The following PRKX variants were observed in gnomAD, a reference collection of about 807,000 sequenced individuals.
PRKX encodes cAMP-dependent protein kinase catalytic subunit PRKX.
In PRKX, 12 loss-of-function variants were observed where a neutral mutation model predicts 22.0. The observed-to-expected ratio is 0.54, with a 90% CI of 0.35 to 0.88. PRKX has a LOEUF of 0.88. Among genes scored for constraint, PRKX ranks in the 40% least tolerant of loss-of-function variants. The pLI is 0.01. For missense variants in PRKX, 217 were observed against 308.0 expected, an observed-to-expected ratio of 0.70 and a Z score of 2.21; for synonymous variants, 134 against 137.7, an observed-to-expected ratio of 0.97 and a Z score of 0.19.
At position 3,652,344 on chromosome X, in the gene PRKX, G is replaced by C. The variant is rs1392249828; in HGVS notation, c.599+2805C>G. ...GAGGCAGGAGAATGGCGTGAACTCG[G>C]GAGGCAGAGCTTGCAGTGAGCTGAG... On this transcript the variant is annotated intron_variant, in intron 3 of 8. Transcript: ENST00000262848. 1.8e-5 allele frequency among the ~76,000 whole-genome samples: 2 copies of C among 109,422 alleles called. 1 individual carries two copies. Among genetic ancestry groups the C allele is most frequent in the Non-Finnish European group, 3.8e-5 (2 of 52,468 alleles).
chrX:3,699,416 A>C (rs1928512383), intron 1 of PRKX, among the ~76,000 whole-genome samples: 1 of 110,436 alleles, frequency 9.1e-6, no homozygotes, highest in Non-Finnish European at 1.9e-5. Flanking sequence ...GCAGTGGCAC[A>C]ATCTCAGCTC....
intron 1 of PRKX, among the ~76,000 whole-genome samples, chrX:3,712,031 C>G (rs1284626133): frequency 8.9e-6 from 1 of 111,772 alleles, no homozygotes. Context: ...GAAGCTAAGT[C>G]CCCTCTTCCT....
Position 3,608,028 on chromosome X carries a change from C to T in PRKX, c.*941G>A, listed in dbSNP as rs1334617248. ...TCCTGAGTAGCTGAGACTACACTCA[C>T]GTGCCACCATGCCCGGCTAATTTTT... is the stretch of plus-strand genomic sequence containing the variant. On this transcript the variant is annotated 3_prime_UTR_variant, in exon 9 of 9. Transcript: ENST00000262848. The T allele has an allele frequency of 9.3e-6, 1 of 108,046 alleles. No individual in the cohort carries two copies. Among genetic ancestry groups the T allele is most frequent in the East Asian group, 2.9e-4 (1 of 3,461 alleles). The allele number at this position is 108,046 out of a possible 1,213,427, so 8.9% of individuals were successfully genotyped here. A position where few individuals can be genotyped will look rare whatever the true frequency, so the allele number is the denominator to read the frequency against.
chrX:3,673,640 C>T (rs768520550), intron 2 of PRKX, among the ~76,000 whole-genome samples: 9 of 110,090 alleles, frequency 8.2e-5, no homozygotes, highest in African/African-American at 1.7e-4. Flanking sequence ...GGAGGGAAGA[C>T]GTGGGAATTG....
chrX:3,605,449 G>A lies in PRKX; in HGVS notation c.*3520C>T, dbSNP rs1462599039. ...CTGGTGGGGTATTTGTGCAGCCTGA[G>A]GTGCACCTGGCTACAGAGTGGAGCC... On this transcript the variant is annotated 3_prime_UTR_variant, in exon 9 of 9. Coordinates refer to ENST00000262848, the MANE Select transcript of PRKX (RefSeq NM_005044.5). The A allele has an allele frequency of 8.9e-6, 1 of 111,963 alleles. No individual in the cohort carries two copies. Among genetic ancestry groups the A allele is most frequent in the Non-Finnish European group, 1.9e-5 (1 of 53,233 alleles). The allele number at this position is 111,963 out of a possible 1,213,427, so 9.2% of individuals were successfully genotyped here.
At chrX:3,669,473 G>A (rs979397442) in intron 2 of PRKX, among the ~76,000 whole-genome samples, 1 of 111,954 alleles carries the variant, frequency 8.9e-6, no homozygotes, top group African/African-American at 3.2e-5. Context: ...TAGATGGGAT[G>A]GGTGCTCTTG....
At chrX:3,613,467 T>C (rs775763585) in intron 7 of PRKX, among the ~76,000 whole-genome samples, 1 of 110,366 alleles carries the variant, frequency 9.1e-6, no homozygotes, top group South Asian at 3.9e-4. Flanking sequence ...TTTTGACCAA[T>C]GTGGATAGAT....
chrX:3,681,831 T>C (rs1259690609), intron 1 of PRKX, among the ~76,000 whole-genome samples: 1 of 109,854 alleles, frequency 9.1e-6, no homozygotes, highest in South Asian at 4.1e-4. Flanking sequence ...CCCTCTTGCC[T>C]GTGACTTTGG....
intron 3 of PRKX, among the ~76,000 whole-genome samples, chrX:3,645,735 C>T (rs1197676987): frequency 3.6e-5 from 4 of 111,627 alleles, no homozygotes; most frequent in South Asian, 7.6e-4. Flanking sequence ...GAGTTCCAGA[C>T]CAGCCAAGGC....
At chrX:3,632,214 T>A (rs764721332) in intron 4 of PRKX, among the ~76,000 whole-genome samples, 35 of 111,269 alleles carry the variant, frequency 3.1e-4, no homozygotes, top group African/African-American at 1.1e-3. Context: ...TGAAGGTGAG[T>A]TTCCCAATAG....
intron 1 of PRKX, among the ~76,000 whole-genome samples, chrX:3,699,317 G>A (rs1446311794): frequency 9.1e-6 from 1 of 109,610 alleles, no homozygotes; most frequent in African/African-American, 3.3e-5. Context: ...GATTACAGGC[G>A]GGAGCCACCG....
chrX:3,680,910 C>A (rs953832650), intron 1 of PRKX, among the ~76,000 whole-genome samples: 2 of 110,392 alleles, frequency 1.8e-5, no homozygotes, highest in African/African-American at 3.3e-5. Context: ...GAGATCTCAT[C>A]CCTATTAAAA....
chrX:3,626,875 C>T (rs779433509), intron 4 of PRKX, among the ~76,000 whole-genome samples: 8 of 111,851 alleles, frequency 7.2e-5, no homozygotes, highest in Middle Eastern at 4.7e-3. Flanking sequence ...TCATGTTTAC[C>T]GGGGTGAATC....
intron 2 of PRKX, among the ~76,000 whole-genome samples, chrX:3,662,526 T>C (rs1214245885): frequency 9.2e-6 from 1 of 108,657 alleles, no homozygotes; most frequent in East Asian, 2.9e-4. Context: ...AAACCCCATC[T>C]CTACTAAAAA....
At chrX:3,621,206 C>T (rs770913495) in intron 6 of PRKX, 53 bp downstream of exon 6, 21 of 1,088,962 alleles carry the variant, frequency 1.9e-5, no homozygotes, top group Admixed American at 6.7e-5. Context: ...GGGTGTTAGA[C>T]GGCAGACACG....
intron 1 of PRKX, among the ~76,000 whole-genome samples, chrX:3,697,126 G>A (rs1928459232): frequency 8.9e-6 from 1 of 112,274 alleles, no homozygotes; most frequent in African/African-American, 3.2e-5. Flanking sequence ...GGCCGAGGCA[G>A]GAGGATTATT....
At chrX:3,649,732 T>TGGGAG in intron 3 of PRKX, among the ~76,000 whole-genome samples, 1 of 16,396 alleles carries the variant, frequency 6.1e-5, no homozygotes, top group South Asian at 8.3e-3. Context: ...GGGGAAAGAA[T>TGGGAG]GGGAGGGGAG....
intron 1 of PRKX, among the ~76,000 whole-genome samples, chrX:3,688,596 C>T (rs1928229146): frequency 9.1e-6 from 1 of 110,482 alleles, no homozygotes; most frequent in South Asian, 4.0e-4. Context: ...GGAGCAGTGG[C>T]TCATGCCTGT....
At chrX:3,646,669 G>A (rs899354774) in intron 3 of PRKX, among the ~76,000 whole-genome samples, 1 of 111,032 alleles carries the variant, frequency 9.0e-6, no homozygotes, top group Admixed American at 9.6e-5. Context: ...AGGGTGTGGG[G>A]TTTTTCATAA....
Sources: gnomAD v4.1 joint callset for allele counts (sites outside exome capture counted in the v4.1 genomes callset) on GRCh38, gnomAD v4.1.1 for gene constraint, MANE v1.5 for transcripts, NCBI Gene and HGNC (gene_info 2026-07-23, HGNC 2026-07-21) for gene names.